Variants in MMP26 observed in about 807,000 individuals in gnomAD.
MMP26 encodes the protein matrix metalloproteinase-26.
Under a neutral mutation model 31.0 loss-of-function variants are expected in MMP26, and 33 were observed. That is an observed-to-expected ratio of 1.06 (90% CI 0.81 to 1.42). The LOEUF is 1.42. Ranked by LOEUF, MMP26 falls within the 40% of genes most tolerant of loss-of-function variation. The pLI, the probability that MMP26 is intolerant of heterozygous loss-of-function variation, is 0.00. For missense variants in MMP26, 347 were observed against 316.1 expected, an observed-to-expected ratio of 1.10 and a Z score of -0.74; for synonymous variants, 122 against 114.9, an observed-to-expected ratio of 1.06 and a Z score of -0.40.
At chr11:4,974,190 G>A (rs983544805) in intron 2 of MMP26, among the ~76,000 whole-genome samples, 14 of 151,678 alleles carry the variant, frequency 9.2e-5, no homozygotes, top group Non-Finnish European at 1.9e-4. Context: ...TTATACAGGC[G>A]AACATTATCC....
At chr11:4,842,443 T>G (rs1849809118) in intron 2 of MMP26, among the ~76,000 whole-genome samples, 1 of 152,130 alleles carries the variant, frequency 6.6e-6, no homozygotes, top group Non-Finnish European at 1.5e-5. Flanking sequence ...CTCAAGAAAC[T>G]TACAATCATG....
chr11:4,796,823 C>A (rs1404162905), intron 2 of MMP26, among the ~76,000 whole-genome samples: 1 of 152,004 alleles, frequency 6.6e-6, no homozygotes, highest in African/African-American at 2.4e-5. Flanking sequence ...CAATCTCAGC[C>A]CTAATGTCCA....
chr11:4,923,516 T>A, intron 2 of MMP26: 1 of 1,613,854 alleles, frequency 6.2e-7, no homozygotes, highest in Non-Finnish European at 8.5e-7. Context: ...CATGAAGAGG[T>A]GTACAACGCG....
intron 2 of MMP26, among the ~76,000 whole-genome samples, chr11:4,864,345 G>A (rs1354476779): frequency 6.6e-6 from 1 of 152,112 alleles, no homozygotes. Context: ...CCTTTGTGTG[G>A]TCAGGCCTTA....
At chr11:4,758,367 G>C (rs1442750344) in intron 1 of MMP26, among the ~76,000 whole-genome samples, 2 of 149,986 alleles carry the variant, frequency 1.3e-5, no homozygotes, top group Non-Finnish European at 3.0e-5. Context: ...AGAGGCACAA[G>C]TGAACATTGA....
rs186174102 is a variant in MMP26, at chr11:4,780,397, T to A, written c.-145+13056T>A. 1.1e-4 allele frequency among the ~76,000 whole-genome samples: 17 copies of A among 152,288 alleles called. No homozygotes were observed. The East Asian group carries it at 2.9e-3, about 26-fold the overall frequency. ...CTGACATATATGTAGTGGTGTTATG[T>A]TATGTTTTTAATTTACATTTCCTTA... On this transcript the variant is annotated intron_variant, in intron 2 of 7. Transcript: ENST00000380390.
intron 2 of MMP26, chr11:4,882,887 T>C (rs1273309982): frequency 1.2e-6 from 2 of 1,605,596 alleles, no homozygotes; most frequent in Non-Finnish European, 1.7e-6. Flanking sequence ...GGATTGAAGG[T>C]AGGAAATTGT....
intron 1 of MMP26, chr11:4,737,190 A>G (rs60530229): frequency 6.6e-6 from 1 of 152,078 alleles, no homozygotes. Flanking sequence ...ATGATTTCTA[A>G]TAACTGTAGT....
At chr11:4,821,319 C>T (rs1849493983) in intron 2 of MMP26, 2 of 1,253,662 alleles carry the variant, frequency 1.6e-6, no homozygotes, top group Non-Finnish European at 2.3e-6. Context: ...GAAATAATAA[C>T]TCAGTGAATC....
intron 1 of MMP26, chr11:4,724,289 C>T: frequency 2.8e-6 from 1 of 357,256 alleles, no homozygotes. Context: ...CCAGGAAAAG[C>T]AGGATTTTCT....
chr11:4,711,144 T>G (rs1178539181), intron 1 of MMP26: 1 of 152,224 alleles, frequency 6.6e-6, no homozygotes, highest in Non-Finnish European at 1.5e-5. Context: ...GTTCAACACA[T>G]CATTCATTAT....
At chr11:4,991,298 G>A in intron 5 of MMP26, 73 bp from the exon 6 acceptor site, 1 of 1,522,080 alleles carries the variant, frequency 6.6e-7, no homozygotes, top group Non-Finnish European at 8.9e-7. Flanking sequence ...AGTCTCTGAG[G>A]CTTACTTAAG....
chr11:4,861,267 A>G (rs559196524), intron 2 of MMP26, among the ~76,000 whole-genome samples: 4 of 150,428 alleles, frequency 2.7e-5, no homozygotes, highest in African/African-American at 9.8e-5. Flanking sequence ...ACATATAGAT[A>G]CATATACATG....
chr11:4,859,248 T>A (rs571181587), intron 2 of MMP26, among the ~76,000 whole-genome samples: 75 of 152,346 alleles, frequency 4.9e-4, no homozygotes, highest in Non-Finnish European at 1.8e-4. Context: ...AAAGAGCTTC[T>A]GCACAGCAAA....
At chr11:4,873,999 T>C (rs1306043162) in intron 2 of MMP26, among the ~76,000 whole-genome samples, 2 of 152,064 alleles carry the variant, frequency 1.3e-5, no homozygotes, top group African/African-American at 4.8e-5. Flanking sequence ...ACACTTATTA[T>C]ATAAGTGAAA....
intron 2 of MMP26, among the ~76,000 whole-genome samples, chr11:4,871,486 G>A (rs1850309655): frequency 6.6e-6 from 1 of 152,084 alleles, no homozygotes; most frequent in Non-Finnish European, 1.5e-5. Context: ...TTCTGCGTTT[G>A]GATGGGTTGC....
rs139963790 is a variant in MMP26 at position 4,745,195 on chromosome 11, C to T, written c.-216-22075C>T. 9.2e-3 allele frequency among the ~76,000 whole-genome samples: 1,394 copies of T among 152,250 alleles called. 10 individuals carry two copies. Among genetic ancestry groups the T allele is most frequent in the Middle Eastern group, 0.037 (11 of 294 alleles). On this transcript the variant is annotated intron_variant, in intron 1 of 7. Transcript: ENST00000380390. ...CACTTGATATTCTTGGTTTCACACC[C>T]GGTTGTTCCACCAAAATAAATATTT... is the stretch of plus-strand genomic sequence containing the variant.
chr11:4,899,035 C>T (rs1394794377), intron 2 of MMP26, among the ~76,000 whole-genome samples: 1 of 152,094 alleles, frequency 6.6e-6, no homozygotes, highest in Non-Finnish European at 1.5e-5. Context: ...GAAGCAAAGT[C>T]TCTGTACCCT....
At chr11:4,962,369 T>C (rs1474292321) in intron 2 of MMP26, among the ~76,000 whole-genome samples, 4 of 152,218 alleles carry the variant, frequency 2.6e-5, no homozygotes, top group Non-Finnish European at 4.4e-5. Flanking sequence ...TATGAAATTA[T>C]AGATTTTTAG....
Sources: allele counts gnomAD v4.1 joint callset (sites outside exome capture counted in the v4.1 genomes callset), GRCh38; gene constraint gnomAD v4.1.1; transcripts MANE v1.5; gene names NCBI Gene and HGNC (gene_info 2026-07-23, HGNC 2026-07-21).